SOBP: variants seen among roughly 807,000 people sequenced by gnomAD.
SOBP encodes the protein sine oculis-binding protein homolog.
Under a neutral mutation model 53.6 loss-of-function variants are expected in SOBP, and 4 were observed. That is an observed-to-expected ratio of 0.07 (90% confidence interval 0.04 to 0.17). The LOEUF is 0.17. Ranked by LOEUF, SOBP falls within the 10% of genes least tolerant of loss-of-function variation. The probability of loss-of-function intolerance (pLI) is 1.00; values close to 1 mark genes in which losing one functional copy is unlikely to be tolerated. For missense variants in SOBP, 1,088 were observed against 1,204.7 expected, an observed-to-expected ratio of 0.90 and a Z score of 1.43; for synonymous variants, 584 against 522.6, an observed-to-expected ratio of 1.12 and a Z score of -1.60.
chr6:107,490,493 C>T lies in SOBP; in HGVS notation c.-124C>T. On this transcript the variant is annotated 5_prime_UTR_variant, in exon 1 of 7. Transcript: ENST00000317357. ...CCCTCGCGGCTCGGTCCGGCCCCGC[C>T]AGCACCGCTACCTCCGCCAGCCTCG... is the stretch of plus-strand genomic sequence containing the variant. 1.4e-6 allele frequency: 1 copy of T among 722,048 alleles called. No individual in the cohort carries two copies. Among genetic ancestry groups the T allele is most frequent in the South Asian group, 1.5e-5 (1 of 66,768 alleles). 44.7% of individuals were successfully genotyped at this position (722,048 alleles called of 1,614,324 possible).
chr6:107,541,931 A>T (rs944884683), intron 4 of SOBP, among the ~76,000 whole-genome samples: 35 of 152,080 alleles, frequency 2.3e-4, no homozygotes, highest in Admixed American at 7.9e-4. Flanking sequence ...TAAAAAAAAA[A>T]CTTGTTATTT....
chr6:107,556,450 A>G (rs1257571289), intron 4 of SOBP, among the ~76,000 whole-genome samples: 1 of 152,248 alleles, frequency 6.6e-6, no homozygotes, highest in Non-Finnish European at 1.5e-5. Flanking sequence ...TCACAGCAGC[A>G]TGATTTCCAT....
chr6:107,577,663 G>A (rs1785271804), intron 4 of SOBP, among the ~76,000 whole-genome samples: 1 of 152,224 alleles, frequency 6.6e-6, no homozygotes, highest in Admixed American at 6.5e-5. Flanking sequence ...CCACAAAGGA[G>A]ATTGCTAAAG....
chr6:107,507,457 C>A (rs953980576), intron 3 of SOBP, among the ~76,000 whole-genome samples: 2 of 152,160 alleles, frequency 1.3e-5, no homozygotes. Context: ...AGCTGCTCAC[C>A]ACCACGCCTG....
rs1331629571 is a variant in SOBP at position 107,634,777 on chromosome 6, G to C, written c.1933G>C (p.Val645Leu). The change falls in exon 6 of 7, where the codon GTG (valine) becomes CTG (leucine). Residue 645 changes from valine to leucine, a missense_variant. Val to Leu is a conservative substitution (Grantham distance 32, BLOSUM62 1). Transcript: ENST00000317357. This position sits in a 1 kb window ranked among gnomAD's most constrained non-coding sequence, Gnocchi z 4.5. ...GAGGQLGFPG[V>L]LQGPQDGVID... ...GGGCGGCCAGCTCGGCTTCCCAGGC[G>C]TGCTGCAGGGCCCGCAGGACGGCGT... 1 of 1,387,016 alleles carries C rather than the reference G, an allele frequency of 7.2e-7. No individual in the cohort carries two copies. The allele number at this position is 1,387,016 out of a possible 1,614,324, so 85.9% of individuals were successfully genotyped here. A position where few individuals can be genotyped will look rare whatever the true frequency, so the allele number is the denominator to read the frequency against.
At chr6:107,535,689 CT>C (rs145385523) in intron 4 of SOBP, among the ~76,000 whole-genome samples, 3,533 of 142,574 alleles carry the variant, frequency 0.025, 140 homozygotes, top group African/African-American at 0.083. Context: ...TTGTTGGCTT[CT>C]TTTTTTTTAA....
chr6:107,605,172 G>C (rs2818257), intron 5 of SOBP, among the ~76,000 whole-genome samples: 65,601 of 152,018 alleles, frequency 0.43, 16,648 homozygotes, highest in East Asian at 0.85. Context: ...GATACATTTC[G>C]CCTTTGTTCT....
intron 4 of SOBP, among the ~76,000 whole-genome samples, chr6:107,546,783 A>G (rs1025551023): frequency 5.9e-5 from 9 of 152,248 alleles, no homozygotes; most frequent in African/African-American, 2.2e-4. Flanking sequence ...AATAAAAATG[A>G]CCAAATATAG....
intron 4 of SOBP, 152 bp downstream of exon 4, chr6:107,533,762 T>A: frequency 2.0e-6 from 2 of 1,004,402 alleles, no homozygotes; most frequent in Non-Finnish European, 2.9e-6. Flanking sequence ...GTGTCATGCT[T>A]AACCTTTTGG....
intron 6 of SOBP, among the ~76,000 whole-genome samples, chr6:107,652,119 C>T (rs757566525): frequency 1.4e-4 from 21 of 152,178 alleles, no homozygotes; most frequent in Non-Finnish European, 2.9e-4. Context: ...ACTTCCAAGT[C>T]TTATCATTTA....
rs1434674558 is a variant in SOBP, at chr6:107,601,400, G to T, written c.669+14225G>T. ...TGCTCTCAACTCCGCATATTCATGT[G>T]TATGTTTGAATTTAGCTACTAGAGA... On this transcript the variant is annotated intron_variant, in intron 5 of 6. Coordinates refer to ENST00000317357, the MANE Select transcript of SOBP (RefSeq NM_018013.4). Among the ~76,000 whole-genome samples, 4 of 152,192 alleles carry T rather than the reference G, an allele frequency of 2.6e-5. No homozygotes were observed. The East Asian group carries it at 7.7e-4, about 29-fold the overall frequency.
At chr6:107,525,960 T>C (rs528913885) in intron 3 of SOBP, among the ~76,000 whole-genome samples, 8 of 152,138 alleles carry the variant, frequency 5.3e-5, no homozygotes, top group Admixed American at 6.5e-5. Context: ...CTTTTTTTTT[T>C]CCCCGAGACG....
chr6:107,656,121 T>C (rs1288775435), intron 6 of SOBP, among the ~76,000 whole-genome samples: 3 of 152,174 alleles, frequency 2.0e-5, no homozygotes, highest in Non-Finnish European at 4.4e-5. Flanking sequence ...CTGTGCTTGC[T>C]AAATGCAAAA....
intron 5 of SOBP, among the ~76,000 whole-genome samples, chr6:107,596,596 TA>T (rs1246542359): frequency 6.6e-6 from 1 of 152,206 alleles, no homozygotes; most frequent in East Asian, 1.9e-4. Context: ...AATTAAGACA[TA>T]CCCCAGATAA....
At chr6:107,618,964 A>G (rs2115115897) in intron 5 of SOBP, among the ~76,000 whole-genome samples, 1 of 152,342 alleles carries the variant, frequency 6.6e-6, no homozygotes, top group Non-Finnish European at 1.5e-5. Flanking sequence ...CAGTGAGCAC[A>G]GGAAGCTGAT....
intron 1 of SOBP, among the ~76,000 whole-genome samples, chr6:107,491,621 GGC>G (rs1277963788): frequency 6.6e-6 from 1 of 152,164 alleles, no homozygotes; most frequent in Non-Finnish European, 1.5e-5. Flanking sequence ...CTTTTGCCTG[GGC>G]GAGGGTTTTA....
chr6:107,543,821 T>C (rs1465922450), intron 4 of SOBP, among the ~76,000 whole-genome samples: 1 of 152,218 alleles, frequency 6.6e-6, no homozygotes, highest in African/African-American at 2.4e-5. Context: ...AACCACCTCT[T>C]CTACCCAGCA....
intron 4 of SOBP, among the ~76,000 whole-genome samples, chr6:107,575,953 A>G (rs533108387): frequency 1.3e-5 from 2 of 152,252 alleles, no homozygotes; most frequent in South Asian, 4.1e-4. Flanking sequence ...GTTTGAAACA[A>G]AGACTCCAGA....
At chr6:107,611,684 G>A (rs1313153349) in intron 5 of SOBP, among the ~76,000 whole-genome samples, 1 of 152,156 alleles carries the variant, frequency 6.6e-6, no homozygotes, top group Admixed American at 6.5e-5. Flanking sequence ...CAATGGTGGC[G>A]ACATGGTTGC....
Sources: gnomAD v4.1 joint callset for allele counts (sites outside exome capture counted in the v4.1 genomes callset) on GRCh38, gnomAD v4.1.1 for gene constraint, Gnocchi (gnomAD v3.1) non-coding constraint, MANE v1.5 for transcripts, NCBI Gene and HGNC (gene_info 2026-07-23, HGNC 2026-07-21) for gene names.